Variants in KALRN observed in about 807,000 individuals in gnomAD.
KALRN encodes the protein kalirin.
A neutral mutation model predicts 353.7 loss-of-function variants in KALRN; 70 were observed. That is an observed-to-expected ratio of 0.20 (90% CI 0.16 to 0.24). The LOEUF (loss-of-function observed/expected upper bound fraction) is 0.24. Ranked by LOEUF, KALRN falls within the 10% of genes least tolerant of loss-of-function variation. The pLI is 1.00. For synonymous variants in KALRN, 1,391 were observed against 1,434.8 expected, an observed-to-expected ratio of 0.97 and a Z score of 0.69; for missense variants, 2,791 against 3,756.7, an observed-to-expected ratio of 0.74 and a Z score of 6.72.
At chr3:124,274,749 G>A (rs1403786973) in intron 5 of KALRN, among the ~76,000 whole-genome samples, 2 of 152,122 alleles carry the variant, frequency 1.3e-5, no homozygotes, top group Non-Finnish European at 2.9e-5. Context: ...TAGCCCAAAT[G>A]AGAATCTCTC....
intron 34 of KALRN, among the ~76,000 whole-genome samples, chr3:124,595,061 T>C (rs2149395167): frequency 6.6e-6 from 1 of 152,272 alleles, no homozygotes; most frequent in Non-Finnish European, 1.5e-5. Context: ...TTGATTTTTT[T>C]TTCTGAGAAA....
chr3:124,664,320 G>A (rs2085269354), intron 45 of KALRN, among the ~76,000 whole-genome samples: 1 of 149,186 alleles, frequency 6.7e-6, no homozygotes, highest in Non-Finnish European at 1.5e-5. Context: ...CACAGGAGCT[G>A]TGTTGTACAT....
At chr3:124,482,209 A>T (rs1197586833) in intron 27 of KALRN, among the ~76,000 whole-genome samples, 6 of 152,258 alleles carry the variant, frequency 3.9e-5, no homozygotes. Flanking sequence ...TTTCTAGCTT[A>T]GGAGACCTGA....
At chr3:124,059,046 C>T (rs1291622969) in intron 1 of KALRN, among the ~76,000 whole-genome samples, 3 of 152,060 alleles carry the variant, frequency 2.0e-5, no homozygotes, top group East Asian at 3.9e-4. Flanking sequence ...CTTCCTGAGA[C>T]TCTCATTATA....
At chr3:124,197,510 C>T (rs2075561418) in intron 1 of KALRN, among the ~76,000 whole-genome samples, 2 of 152,232 alleles carry the variant, frequency 1.3e-5, no homozygotes. Context: ...CCTTCATCCT[C>T]AGCCTTGATC....
At chr3:124,266,562 C>T (rs1210952422) in intron 4 of KALRN, among the ~76,000 whole-genome samples, 1 of 152,186 alleles carries the variant, frequency 6.6e-6, no homozygotes, top group Non-Finnish European at 1.5e-5. Flanking sequence ...GAATTCTAGT[C>T]CTCATCTGCA....
chr3:124,286,936 T>C (rs1246562245), intron 5 of KALRN, among the ~76,000 whole-genome samples: 1 of 152,226 alleles, frequency 6.6e-6, no homozygotes, highest in Non-Finnish European at 1.5e-5. Flanking sequence ...AGGCTCTTGA[T>C]AGTTTATCTT....
chr3:124,346,672 C>T (rs935604780), intron 9 of KALRN, among the ~76,000 whole-genome samples: 8 of 152,088 alleles, frequency 5.3e-5, no homozygotes, highest in African/African-American at 1.7e-4. Context: ...GGGGAGTCCC[C>T]GGAGCACAAT....
intron 33 of KALRN, among the ~76,000 whole-genome samples, chr3:124,520,085 A>G (rs2067035421): frequency 6.6e-6 from 1 of 152,078 alleles, no homozygotes; most frequent in Non-Finnish European, 1.5e-5. Flanking sequence ...TTTGTTTTTC[A>G]GAATAAAGAT....
intron 1 of KALRN, among the ~76,000 whole-genome samples, chr3:124,067,716 G>A (rs575910259): frequency 2.6e-5 from 4 of 152,318 alleles, no homozygotes; most frequent in African/African-American, 7.2e-5. Context: ...GAGCAGGAGG[G>A]CACAGCAGGT....
chr3:124,489,217 G>A (rs920419976), intron 29 of KALRN, among the ~76,000 whole-genome samples: 15 of 152,134 alleles, frequency 9.9e-5, no homozygotes, highest in African/African-American at 3.6e-4. Flanking sequence ...TGAGGTGTGA[G>A]AATCGCTTGA....
At position 124,329,834 on chromosome 3, in the gene KALRN, A is replaced by C. The variant is rs201321315; in HGVS notation, c.1285-27A>C. ...AACTCCTCACCCCCAGTGCTCCCCC[A>C]CTGATCCACCCTGCATCTCCTTCCA... On this transcript the variant is annotated intron_variant, in intron 7 of 59. Transcript: ENST00000682506. 195 of 1,607,234 alleles carry C rather than the reference A, an allele frequency of 1.2e-4. No homozygotes were observed. In the African/African-American group the frequency reaches 2.3e-3, roughly 19 times the overall value.
intron 50 of KALRN, among the ~76,000 whole-genome samples, 171 bp from the exon 51 acceptor site, chr3:124,679,287 C>T (rs2087528945): frequency 6.6e-6 from 1 of 152,252 alleles, no homozygotes; most frequent in South Asian, 2.1e-4. Flanking sequence ...CTGAAAAGAG[C>T]ATGCTGCTGC....
At chr3:124,311,461 A>G (rs942259539) in intron 6 of KALRN, among the ~76,000 whole-genome samples, 2 of 149,774 alleles carry the variant, frequency 1.3e-5, no homozygotes, top group East Asian at 3.9e-4. Flanking sequence ...CAAGACTCCA[A>G]AAAAAAAAAG....
intron 1 of KALRN, among the ~76,000 whole-genome samples, chr3:124,196,386 G>A (rs1280060498): frequency 6.6e-6 from 1 of 152,164 alleles, no homozygotes; most frequent in Non-Finnish European, 1.5e-5. Flanking sequence ...CTAGATTGGA[G>A]AGGCTCAGAT....
intron 1 of KALRN, among the ~76,000 whole-genome samples, chr3:124,062,062 T>C (rs1354716494): frequency 6.6e-6 from 1 of 152,172 alleles, no homozygotes; most frequent in Admixed American, 6.5e-5. Flanking sequence ...ACAATCTGCA[T>C]ATTAAAAAAA....
At chr3:124,435,766 C>G (rs76761480) in intron 17 of KALRN, among the ~76,000 whole-genome samples, 12,133 of 152,196 alleles carry the variant, frequency 0.08, 608 homozygotes, top group East Asian at 0.19. Flanking sequence ...GAGAGCTTCC[C>G]CAGTTGATCC....
chr3:124,200,669 A>C, intron 1 of KALRN, among the ~76,000 whole-genome samples: 1 of 152,222 alleles, frequency 6.6e-6, no homozygotes, highest in East Asian at 1.9e-4. Context: ...GAGAGAATGC[A>C]TGCAAAAGTG....
At chr3:124,346,928 A>T (rs1185901807) in intron 9 of KALRN, among the ~76,000 whole-genome samples, 1 of 152,200 alleles carries the variant, frequency 6.6e-6, no homozygotes, top group Non-Finnish European at 1.5e-5. Context: ...ATCAAAAAGG[A>T]TAAGTTGAAT....
Sources: gnomAD v4.1 joint callset for allele counts (sites outside exome capture counted in the v4.1 genomes callset) on GRCh38, gnomAD v4.1.1 for gene constraint, MANE v1.5 for transcripts, NCBI Gene and HGNC (gene_info 2026-07-23, HGNC 2026-07-21) for gene names.